The following NUP98 variants were observed in gnomAD, a reference collection of about 807,000 sequenced individuals.
NUP98 encodes the protein nuclear pore complex protein Nup98-Nup96.
A neutral mutation model predicts 191.9 loss-of-function variants in NUP98; 26 were observed. That is an observed-to-expected ratio of 0.14 (90% CI 0.10 to 0.19). The LOEUF (loss-of-function observed/expected upper bound fraction) is 0.19. NUP98 is among the 10% of genes least tolerant of loss of function. The probability of loss-of-function intolerance (pLI) is 1.00; values close to 1 mark genes in which losing one functional copy is unlikely to be tolerated. For synonymous variants in NUP98, 808 were observed against 778.4 expected, an observed-to-expected ratio of 1.04 and a Z score of -0.63; for missense variants, 1,941 against 2,178.8, an observed-to-expected ratio of 0.89 and a Z score of 2.17.
intron 18 of NUP98, 61 bp from the exon 19 acceptor site, chr11:3,714,056 A>G: frequency 6.7e-7 from 1 of 1,491,182 alleles, no homozygotes; most frequent in Non-Finnish European, 9.3e-7. Flanking sequence ...ATATAAGACC[A>G]GAAAGCCACC....
intron 29 of NUP98, among the ~76,000 whole-genome samples, chr11:3,685,000 G>GT (rs1261005112): frequency 1.3e-5 from 2 of 152,158 alleles, no homozygotes; most frequent in Non-Finnish European, 2.9e-5. Context: ...TACTAGCTGT[G>GT]TGACCTTGGA....
chr11:3,698,957 G>T, intron 25 of NUP98, 125 bp downstream of exon 25: 1 of 1,045,886 alleles, frequency 9.6e-7, no homozygotes, highest in Non-Finnish European at 1.4e-6. Context: ...AATCTTTCTG[G>T]GAAGTCCGCA....
At chr11:3,760,702 T>A in intron 9 of NUP98, 76 bp from the exon 10 acceptor site, 2 of 1,257,214 alleles carry the variant, frequency 1.6e-6, no homozygotes, top group Non-Finnish European at 2.2e-6. Flanking sequence ...TTACCTCAGG[T>A]ATACTGGGTT....
intron 22 of NUP98, among the ~76,000 whole-genome samples, chr11:3,703,218 T>G (rs898479513): frequency 1.4e-5 from 2 of 146,136 alleles, no homozygotes; most frequent in South Asian, 4.2e-4. Flanking sequence ...TTCAAAAACT[T>G]TTTTTTTTTT....
intron 13 of NUP98, among the ~76,000 whole-genome samples, chr11:3,733,308 C>T (rs1284001090): frequency 1.3e-5 from 2 of 152,054 alleles, no homozygotes; most frequent in African/African-American, 2.4e-5. Flanking sequence ...TTTCACTTAA[C>T]GTTTTCTTTC....
At chr11:3,735,833 CTGTGTGTG>C (rs76254248) in intron 12 of NUP98, among the ~76,000 whole-genome samples, 1 of 138,282 alleles carries the variant, frequency 7.2e-6, no homozygotes, top group Non-Finnish European at 1.5e-5. Flanking sequence ...AGGGCAAATA[CTGTGTGTG>C]TGTGTGTGCG....
chr11:3,689,686 G>T (rs1165023793), intron 28 of NUP98, among the ~76,000 whole-genome samples: 1 of 152,062 alleles, frequency 6.6e-6, no homozygotes, highest in Non-Finnish European at 1.5e-5. Flanking sequence ...TATTGCCCAG[G>T]CTGGAGTACA....
intron 25 of NUP98, chr11:3,696,745 C>T (rs942876106): frequency 6.7e-6 from 1 of 150,220 alleles, no homozygotes; most frequent in Non-Finnish European, 1.5e-5. Flanking sequence ...AGGAGGCAAA[C>T]GTTGTAGTGA....
chr11:3,768,878 A>T (rs993721624), intron 7 of NUP98, 134 bp from the exon 8 acceptor site: 1 of 592,270 alleles, frequency 1.7e-6, no homozygotes, highest in Non-Finnish European at 2.6e-6. Flanking sequence ...TCACTACTTG[A>T]TCATCTTTTC....
chr11:3,689,642 C>T (rs1258010384), intron 28 of NUP98, among the ~76,000 whole-genome samples: 1 of 152,056 alleles, frequency 6.6e-6, no homozygotes, highest in East Asian at 1.9e-4. Flanking sequence ...CTCTGCATTT[C>T]TTTCTTTTTT....
intron 31 of NUP98, 113 bp downstream of exon 31, chr11:3,679,441 G>C: frequency 8.3e-7 from 1 of 1,211,340 alleles, no homozygotes; most frequent in Non-Finnish European, 1.2e-6. Flanking sequence ...TGCTTTGACA[G>C]TGCTATCTCT....
chr11:3,709,426 G>C (rs1183114015), intron 20 of NUP98, among the ~76,000 whole-genome samples: 1 of 151,928 alleles, frequency 6.6e-6, no homozygotes, highest in Non-Finnish European at 1.5e-5. Context: ...TATTTAGGCA[G>C]GGCGCTGTGG....
At chr11:3,723,593 A>ACT in intron 15 of NUP98, 138 bp from the exon 16 acceptor site, 1 of 648,424 alleles carries the variant, frequency 1.5e-6, no homozygotes. Flanking sequence ...CTTAATACTT[A>ACT]CTACAGCAGT....
intron 18 of NUP98, among the ~76,000 whole-genome samples, chr11:3,717,280 G>A (rs186040166): frequency 1.8e-4 from 28 of 152,230 alleles, no homozygotes; most frequent in African/African-American, 6.5e-4. Context: ...TTACAGGCAC[G>A]AGCCACTGCA....
At chr11:3,735,748 A>AGTGTGTGTGTGTGTGTGTGT (rs71041385) in intron 12 of NUP98, among the ~76,000 whole-genome samples, 1 of 140,874 alleles carries the variant, frequency 7.1e-6, no homozygotes, top group African/African-American at 2.6e-5. Flanking sequence ...CAGGGCAAGT[A>AGTGTGTGTGTGTGTGTGTGT]GTGTGTGTGT....
chr11:3,679,797 G>C lies in NUP98; in HGVS notation c.4919-89C>G, dbSNP rs187357065. 7.7e-6 allele frequency: 10 copies of C among 1,299,316 alleles called. No homozygotes were observed. The Admixed American group carries it at 2.4e-4, about 31-fold the overall frequency. 80.5% of individuals were successfully genotyped at this position (1,299,316 alleles called of 1,614,324 possible). A position where few individuals can be genotyped will look rare whatever the true frequency, so the allele number is the denominator to read the frequency against. ...ACATGGCAGGAAGACAGAAAGGAAG[G>C]AGAAATAATGTTGGCTGGACTTCAG... On this transcript the variant is annotated intron_variant, in intron 30 of 32. Coordinates refer to ENST00000324932, the MANE Select transcript of NUP98 (RefSeq NM_016320.5).
At chr11:3,696,793 G>C (rs534373874) in intron 25 of NUP98, 3 of 151,862 alleles carry the variant, frequency 2.0e-5, no homozygotes, top group South Asian at 4.2e-4. Context: ...CTGGGGTACA[G>C]AGCGAGACTG....
chr11:3,754,800 G>T (rs2080898078), intron 10 of NUP98, among the ~76,000 whole-genome samples: 2 of 151,748 alleles, frequency 1.3e-5, no homozygotes, highest in South Asian at 4.2e-4. Flanking sequence ...AAATTAGCTG[G>T]GTGTGGTGGT....
intron 14 of NUP98, among the ~76,000 whole-genome samples, chr11:3,726,174 C>T (rs1356726972): frequency 2.0e-5 from 3 of 151,780 alleles, no homozygotes; most frequent in Non-Finnish European, 4.4e-5. Context: ...ATTGCTATCG[C>T]CTTTTACTTT....
Sources: gnomAD v4.1 joint callset for allele counts (sites outside exome capture counted in the v4.1 genomes callset) on GRCh38, gnomAD v4.1.1 for gene constraint, MANE v1.5 for transcripts, NCBI Gene and HGNC (gene_info 2026-07-23, HGNC 2026-07-21) for gene names.